Variants in PRDM10 observed in about 807,000 individuals in gnomAD.
PRDM10 encodes the protein PR domain zinc finger protein 10.
A neutral mutation model predicts 133.1 loss-of-function variants in PRDM10; 65 were observed. The ratio of observed to expected loss-of-function variants is 0.49; its 90% CI spans 0.40 to 0.60. The LOEUF is 0.60. Ranked by LOEUF, PRDM10 falls within the 20% of genes least tolerant of loss-of-function variation. The probability of loss-of-function intolerance (pLI) is 0.00; values close to 1 mark genes in which losing one functional copy is unlikely to be tolerated. For missense variants in PRDM10, 1,137 were observed against 1,507.1 expected, an observed-to-expected ratio of 0.75 and a Z score of 4.07; for synonymous variants, 582 against 580.4, an observed-to-expected ratio of 1.00 and a Z score of -0.04.
chr11:129,932,650 A>G (rs2135820307), intron 9 of PRDM10, among the ~76,000 whole-genome samples: 1 of 152,334 alleles, frequency 6.6e-6, no homozygotes, highest in Non-Finnish European at 1.5e-5. Flanking sequence ...GCCAAATTCA[A>G]ACAACTTTCT....
intron 1 of PRDM10, among the ~76,000 whole-genome samples, chr11:129,968,465 G>C (rs554715575): frequency 1.8e-4 from 27 of 152,208 alleles, no homozygotes; most frequent in African/African-American, 6.5e-4. Flanking sequence ...GTCTGGGGAG[G>C]GGGTTGTGGA....
Position 129,931,580 on chromosome 11 carries a change from T to TA in PRDM10, c.1288-323_1288-322insT, listed in dbSNP as rs924220709. 7.6e-3 allele frequency among the ~76,000 whole-genome samples: 1,144 copies of TA among 151,164 alleles called. 20 individuals carry two copies. The highest frequency in any genetic ancestry group is 0.026 in the African/African-American group (1,083 of 41,274). ...ATTTTTATTTTATTTTATTTTATTT[T>TA]TTTTTTGAGACGGAGTCTCGCTCTG... On this transcript the variant is annotated intron_variant, in intron 10 of 20. Coordinates refer to ENST00000360871, the MANE Select transcript of PRDM10 (RefSeq NM_199437.2).
chr11:129,935,965 T>C (rs569995194), intron 8 of PRDM10, among the ~76,000 whole-genome samples: 2 of 152,324 alleles, frequency 1.3e-5, no homozygotes, highest in East Asian at 1.9e-4. Flanking sequence ...GGACAGGCCA[T>C]GCAGGAAAGC....
Position 129,975,803 on chromosome 11 carries a change from C to T in PRDM10, c.-118-14721G>A, listed in dbSNP as rs73577268. Among the ~76,000 whole-genome samples the T allele has an allele frequency of 4.0e-3, 610 of 152,326 alleles. 3 individuals are homozygous for T. The highest frequency in any genetic ancestry group is 0.014 in the African/African-American group (570 of 41,568). ...TGGGAGCCAGTCACTGCTCCTGGAACAGGGTGGCTGCACCAAGTGCCTTCC... is the reference window on the plus strand; with the variant it reads ...TGGGAGCCAGTCACTGCTCCTGGAATAGGGTGGCTGCACCAAGTGCCTTCC... On this transcript the variant is annotated intron_variant, in intron 1 of 20. Coordinates refer to ENST00000360871, the MANE Select transcript of PRDM10 (RefSeq NM_199437.2).
chr11:129,977,323 C>T (rs988813453), intron 1 of PRDM10, among the ~76,000 whole-genome samples: 4 of 151,882 alleles, frequency 2.6e-5, no homozygotes, highest in Admixed American at 2.0e-4. Flanking sequence ...CTCACTCTGT[C>T]GCCAGGCTGG....
intron 1 of PRDM10, among the ~76,000 whole-genome samples, chr11:129,964,513 C>T (rs1443395990): frequency 6.6e-6 from 1 of 152,206 alleles, no homozygotes; most frequent in Non-Finnish European, 1.5e-5. Context: ...TATATACTCT[C>T]TCCCTCTCCA....
At chr11:129,919,946 G>T (rs1950472897) in intron 13 of PRDM10, among the ~76,000 whole-genome samples, 1 of 152,138 alleles carries the variant, frequency 6.6e-6, no homozygotes, top group Non-Finnish European at 1.5e-5. Flanking sequence ...TTTCTGGAAA[G>T]CCCAGGAGGG....
At chr11:129,970,649 A>G (rs1952000765) in intron 1 of PRDM10, among the ~76,000 whole-genome samples, 1 of 147,126 alleles carries the variant, frequency 6.8e-6, no homozygotes, top group Admixed American at 6.9e-5. Context: ...GGTTTAGGGG[A>G]CTCTCCTGCC....
At chr11:129,910,697 T>A (rs777924843) in intron 18 of PRDM10, 41 bp from the exon 19 acceptor site, 90 of 1,436,180 alleles carry the variant, frequency 6.3e-5, no homozygotes, top group Middle Eastern at 3.7e-4. Flanking sequence ...ATTACGAGCT[T>A]CTAATATAGT....
Position 129,945,138 on chromosome 11 carries a change from G to T in PRDM10, c.521-126C>A. On this transcript the variant is annotated intron_variant, in intron 5 of 20. Coordinates refer to ENST00000360871, the MANE Select transcript of PRDM10 (RefSeq NM_199437.2). The surrounding 1 kb of genome is among the most constrained non-coding windows in gnomAD (Gnocchi z 4.2). ...AGCCAAAATTCAATGAACTCCTAAT[G>T]GCGCTACCCATTCAACGGTAATACA... The T allele has an allele frequency of 8.7e-7, 1 of 1,143,976 alleles. No individual in the cohort carries two copies. The highest frequency in any genetic ancestry group is 1.3e-6 in the Non-Finnish European group (1 of 793,552). 70.9% of individuals were successfully genotyped at this position (1,143,976 alleles called of 1,614,324 possible). A position where few individuals can be genotyped will look rare whatever the true frequency, so the allele number is the denominator to read the frequency against.
rs1398628455 is a variant in PRDM10, at chr11:129,902,167, C to A, written c.*146G>T. The A allele has an allele frequency of 1.4e-5, 16 of 1,133,648 alleles. No homozygotes were observed. In the Admixed American group the frequency reaches 2.1e-4, roughly 15 times the overall value. The allele number at this position is 1,133,648 out of a possible 1,614,324, so 70.2% of individuals were successfully genotyped here. On this transcript the variant is annotated 3_prime_UTR_variant, in exon 21 of 21. Transcript: ENST00000360871. Reference sequence around the variant, plus strand: ...TAAAGATGACCTTGGCAAAATAAACCCCAGTGTATGGATGAGAGACAAAAC... The same window carrying A: ...TAAAGATGACCTTGGCAAAATAAACACCAGTGTATGGATGAGAGACAAAAC...
intron 1 of PRDM10, among the ~76,000 whole-genome samples, chr11:129,970,181 G>C (rs747350321): frequency 1.3e-5 from 2 of 152,178 alleles, no homozygotes; most frequent in South Asian, 2.1e-4. Flanking sequence ...TATGAACCAG[G>C]CATGTTCCCT....
At chr11:129,969,522 A>G (rs1023664186) in intron 1 of PRDM10, among the ~76,000 whole-genome samples, 3 of 152,062 alleles carry the variant, frequency 2.0e-5, no homozygotes, top group Non-Finnish European at 4.4e-5. Context: ...GGCCTGGCAC[A>G]GTGGCTCATG....
At chr11:129,925,541 C>T (rs1362646828) in intron 11 of PRDM10, among the ~76,000 whole-genome samples, 1 of 152,066 alleles carries the variant, frequency 6.6e-6, no homozygotes, top group Non-Finnish European at 1.5e-5. Flanking sequence ...TATAATAAAA[C>T]AAATCCCACA....
rs10556101 is a variant in PRDM10 at position 129,978,026 on chromosome 11, A to AT, written c.-118-16945dup. On this transcript the variant is annotated intron_variant, in intron 1 of 20. Transcript: ENST00000360871. ...CAGGCTTTCATAAAGGATTTCAACA[A>AT]TTTTTTTTTTTTAAGAAAAGCTAAT... is the stretch of plus-strand genomic sequence containing the variant. Among the ~76,000 whole-genome samples, 1,380 of 148,894 alleles carry AT rather than the reference A, an allele frequency of 9.3e-3. 8 individuals carry two copies. The highest frequency in any genetic ancestry group is 0.01 in the Non-Finnish European group (691 of 66,668).
Position 129,902,071 on chromosome 11 carries a change from C to T in PRDM10, c.*242G>A. On this transcript the variant is annotated 3_prime_UTR_variant, in exon 21 of 21. Coordinates refer to ENST00000360871, the MANE Select transcript of PRDM10 (RefSeq NM_199437.2). ...CAAGAGCAAGGCAAATTCTCTCCAC[C>T]TCGAAATCTACTTTCCCCTGAAAGA... is the stretch of plus-strand genomic sequence containing the variant. The T allele has an allele frequency of 4.0e-6, 2 of 494,974 alleles. No homozygotes were observed. The highest frequency in any genetic ancestry group is 7.0e-6 in the Non-Finnish European group (2 of 285,046). The allele number at this position is 494,974 out of a possible 1,614,324, so 30.7% of individuals were successfully genotyped here. A position where few individuals can be genotyped will look rare whatever the true frequency, so the allele number is the denominator to read the frequency against.
At chr11:129,999,100 G>A (rs117326211) in intron 1 of PRDM10, among the ~76,000 whole-genome samples, 2,052 of 152,142 alleles carry the variant, frequency 0.013, 16 homozygotes, top group Admixed American at 0.023. Flanking sequence ...TGGGATTACA[G>A]GTGTGAGCCA....
chr11:129,910,731 A>G, intron 18 of PRDM10, 75 bp from the exon 19 acceptor site: 1 of 1,268,922 alleles, frequency 7.9e-7, no homozygotes, highest in African/African-American at 1.5e-5. Flanking sequence ...TAACTGAAGG[A>G]AGTACACCAG....
At chr11:129,988,694 A>G (rs2135987375) in intron 1 of PRDM10, among the ~76,000 whole-genome samples, 1 of 151,800 alleles carries the variant, frequency 6.6e-6, no homozygotes, top group Non-Finnish European at 1.5e-5. Flanking sequence ...CAGTGGTGCA[A>G]TCTCGGCTCA....
Sources: gnomAD v4.1 joint callset for allele counts (sites outside exome capture counted in the v4.1 genomes callset) on GRCh38, gnomAD v4.1.1 for gene constraint, Gnocchi (gnomAD v3.1) non-coding constraint, MANE v1.5 for transcripts, NCBI Gene and HGNC (gene_info 2026-07-23, HGNC 2026-07-21) for gene names.